CDK19: variants seen among roughly 807,000 people sequenced by gnomAD.
CDK19 encodes the protein cyclin dependent kinase 19, also known as cyclin-dependent kinase 19.
A neutral mutation model predicts 68.3 loss-of-function variants in CDK19; 20 were observed. The ratio of observed to expected loss-of-function variants is 0.29; its 90% CI spans 0.21 to 0.43. The LOEUF (loss-of-function observed/expected upper bound fraction) is 0.43. CDK19 is among the 20% of genes least tolerant of loss of function. The pLI, the probability that CDK19 is intolerant of heterozygous loss-of-function variation, is 1.00. For synonymous variants in CDK19, 221 were observed against 222.8 expected (o/e 0.99, Z 0.07); for missense variants, 339 against 623.5 (o/e 0.54, Z 4.86).
chr6:110,619,289 C>T (rs976670581), intron 12 of CDK19, among the ~76,000 whole-genome samples: 19 of 152,144 alleles, frequency 1.2e-4, no homozygotes, highest in Admixed American at 2.0e-4. Flanking sequence ...AGTAATCTGT[C>T]TATAATTGAC....
intron 2 of CDK19, among the ~76,000 whole-genome samples, chr6:110,672,330 A>G (rs1771086630): frequency 6.6e-6 from 1 of 152,170 alleles, no homozygotes; most frequent in Admixed American, 6.5e-5. Flanking sequence ...CAACACTGGC[A>G]CAGATCCCTG....
chr6:110,733,263 T>C (rs537098726), intron 2 of CDK19, among the ~76,000 whole-genome samples: 15 of 152,234 alleles, frequency 9.9e-5, no homozygotes, highest in Non-Finnish European at 2.2e-4. Flanking sequence ...GATTCATCCA[T>C]GTTATTAAGT....
At chr6:110,706,404 GTTTTTTTTTTGTTTGTTT>G in intron 2 of CDK19, 1 of 71,078 alleles carries the variant, frequency 1.4e-5, no homozygotes, top group African/African-American at 4.8e-5. Flanking sequence ...TAACACTGTT[GTTTTTTTTTTGTTTGTTT>G]TTTTTTTTTT....
At chr6:110,711,176 G>C (rs1774911558) in intron 2 of CDK19, among the ~76,000 whole-genome samples, 1 of 152,066 alleles carries the variant, frequency 6.6e-6, no homozygotes, top group Non-Finnish European at 1.5e-5. Flanking sequence ...AGGTTTCTTA[G>C]GAATATATTG....
chr6:110,666,484 G>A (rs1428432428), intron 4 of CDK19, among the ~76,000 whole-genome samples: 2 of 147,052 alleles, frequency 1.4e-5, no homozygotes, highest in East Asian at 4.0e-4. Context: ...CATTAATATG[G>A]TAAATGCATC....
chr6:110,707,799 C>A (rs562761549), intron 2 of CDK19, among the ~76,000 whole-genome samples: 1 of 152,096 alleles, frequency 6.6e-6, no homozygotes, highest in South Asian at 2.1e-4. Flanking sequence ...TGGTGAAACC[C>A]CATGTCTACT....
At chr6:110,791,242 T>C (rs1327773671) in intron 1 of CDK19, among the ~76,000 whole-genome samples, 1 of 151,170 alleles carries the variant, frequency 6.6e-6, no homozygotes, top group East Asian at 1.9e-4. Flanking sequence ...TGATCTGTCA[T>C]GGAAAAAAAG....
intron 2 of CDK19, among the ~76,000 whole-genome samples, chr6:110,683,382 A>G (rs947004750): frequency 2.2e-4 from 33 of 152,276 alleles, no homozygotes; most frequent in African/African-American, 7.2e-4. Context: ...GAAAATTTCA[A>G]TGCTAACCAC....
rs7770798 is a variant in CDK19, at chr6:110,791,209, A to T, written c.128+23800T>A. 1.6e-4 allele frequency among the ~76,000 whole-genome samples: 23 copies of T among 145,338 alleles called. 1 individual carries two copies. The highest frequency in any genetic ancestry group is 4.9e-4 in the African/African-American group (17 of 35,034). On this transcript the variant is annotated intron_variant, in intron 1 of 12. Coordinates refer to ENST00000368911, the MANE Select transcript of CDK19 (RefSeq NM_015076.5). ...TTTAATTCATTAATTAATTAATTAA[A>T]TAAAAATGTAGAACACTGGTTCTGA...
At chr6:110,668,865 T>C (rs1770752421) in intron 3 of CDK19, among the ~76,000 whole-genome samples, 3 of 151,432 alleles carry the variant, frequency 2.0e-5, no homozygotes, top group Non-Finnish European at 4.4e-5. Context: ...GTAAAATCAA[T>C]GTGTGCACTT....
intron 4 of CDK19, among the ~76,000 whole-genome samples, chr6:110,653,652 C>T (rs564203462): frequency 6.6e-5 from 10 of 152,206 alleles, no homozygotes; most frequent in Non-Finnish European, 1.5e-4. Flanking sequence ...TAAACCAATG[C>T]CCAGGGTTCA....
chr6:110,763,675 A>G (rs1043122275), intron 1 of CDK19, among the ~76,000 whole-genome samples: 2 of 152,136 alleles, frequency 1.3e-5, no homozygotes, highest in African/African-American at 4.8e-5. Context: ...TCGGACTCCC[A>G]AAGTGCTGGG....
At chr6:110,769,578 AAT>A (rs1455702415) in intron 1 of CDK19, among the ~76,000 whole-genome samples, 19 of 141,392 alleles carry the variant, frequency 1.3e-4, no homozygotes, top group African/African-American at 5.2e-4. Context: ...AAAAAAAAAA[AAT>A]AATAATAATA....
upstream of CDK19, chr6:110,815,542 C>G (rs1257486404): frequency 1.3e-5 from 2 of 158,008 alleles, no homozygotes; most frequent in Non-Finnish European, 1.4e-5. Context: ...GCGGTTTTGC[C>G]GGCGTAAGAA....
intron 4 of CDK19, among the ~76,000 whole-genome samples, chr6:110,649,350 A>G (rs1052347384): frequency 1.3e-4 from 20 of 152,312 alleles, no homozygotes; most frequent in African/African-American, 4.8e-4. Context: ...ACCTTATACC[A>G]TAAACACATC....
chr6:110,648,375 G>T (rs770927573), intron 4 of CDK19, among the ~76,000 whole-genome samples: 3 of 151,980 alleles, frequency 2.0e-5, no homozygotes, highest in Admixed American at 6.6e-5. Context: ...TAATATGAAA[G>T]AGTCAACTGT....
intron 1 of CDK19, among the ~76,000 whole-genome samples, chr6:110,765,830 G>A (rs1367543278): frequency 6.6e-6 from 1 of 152,018 alleles, no homozygotes; most frequent in Non-Finnish European, 1.5e-5. Context: ...ATATACAAAT[G>A]ACGAACAGGT....
chr6:110,628,602 C>T (rs532111110), intron 6 of CDK19, among the ~76,000 whole-genome samples: 10 of 152,270 alleles, frequency 6.6e-5, no homozygotes, highest in Admixed American at 6.5e-4. Context: ...ATAGTATATA[C>T]AGGGTTCGGT....
At chr6:110,783,913 A>C (rs1781006916) in intron 1 of CDK19, among the ~76,000 whole-genome samples, 1 of 152,066 alleles carries the variant, frequency 6.6e-6, no homozygotes, top group Non-Finnish European at 1.5e-5. Flanking sequence ...TTATCCCAGC[A>C]TTTTGGGAGG....
Sources: gnomAD v4.1 joint callset for allele counts (sites outside exome capture counted in the v4.1 genomes callset) on GRCh38, gnomAD v4.1.1 for gene constraint, MANE v1.5 for transcripts, NCBI Gene and HGNC (gene_info 2026-07-23, HGNC 2026-07-21) for gene names.